The following CST8 variants were observed in gnomAD, a reference collection of about 807,000 sequenced individuals.
The protein encoded by CST8 is cystatin-8.
In CST8, 20 loss-of-function variants were observed where a neutral mutation model predicts 11.8. The observed-to-expected ratio is 1.70, with a 90% CI of 1.20 to 2.47. The LOEUF (loss-of-function observed/expected upper bound fraction) is 2.47, where lower values mean the gene tolerates loss of function less well. Ranked by LOEUF, CST8 falls within the 30% of genes most tolerant of loss-of-function variation. CST8 has a pLI of 0.00. For synonymous variants in CST8, 77 were observed against 63.1 expected (o/e 1.22, Z -1.05); for missense variants, 196 against 167.2 (o/e 1.17, Z -0.95).
intron 3 of CST8, among the ~76,000 whole-genome samples, chr20:23,493,909 CT>C (rs1170647827): frequency 6.6e-6 from 1 of 152,168 alleles, no homozygotes; most frequent in African/African-American, 2.4e-5. Flanking sequence ...GAAATGGGAT[CT>C]AAGAATTTGC....
intron 3 of CST8, among the ~76,000 whole-genome samples, chr20:23,494,214 G>C (rs994993574): frequency 6.6e-6 from 1 of 152,088 alleles, no homozygotes; most frequent in Non-Finnish European, 1.5e-5. Flanking sequence ...TTAGGAATAT[G>C]GTTGCTTTAA....
rs11482296 is a variant in CST8, at chr20:23,495,775, C to CTT, written c.346-40_346-39dup. 4.5e-3 allele frequency: 4,156 copies of CTT among 930,810 alleles called. 5 individuals are homozygous for CTT. Among genetic ancestry groups the CTT allele is most frequent in the African/African-American group, 0.012 (605 of 51,854 alleles). The allele number at this position is 930,810 out of a possible 1,614,324, so 57.7% of individuals were successfully genotyped here. On this transcript the variant is annotated intron_variant, in intron 3 of 3. Transcript: ENST00000246012. Reference sequence around the variant, plus strand: ...GCAACAGGACAATTGTTTTTCTTTTCTTTTTTTTTTTTTTTTTGGCACTCT... The same window carrying CTT: ...GCAACAGGACAATTGTTTTTCTTTTCTTTTTTTTTTTTTTTTTTTGGCACTCT...
the CST8 span, among the ~76,000 whole-genome samples, chr20:23,506,305 G>A: frequency 6.6e-6 from 1 of 152,132 alleles, no homozygotes; most frequent in Admixed American, 6.5e-5. Flanking sequence ...GTGAGGGTGG[G>A]TGCTGTGGGG....
chr20:23,506,904 G>A, the CST8 span, among the ~76,000 whole-genome samples: 15 of 152,156 alleles, frequency 9.9e-5, no homozygotes, highest in Admixed American at 6.5e-5. Context: ...GATGTGACTC[G>A]TTAAGGTTTG....
chr20:23,494,421 T>C (rs911237097), intron 3 of CST8, among the ~76,000 whole-genome samples: 1 of 152,230 alleles, frequency 6.6e-6, no homozygotes, highest in Non-Finnish European at 1.5e-5. Context: ...TTTCTCTTTT[T>C]CCAAGCAGAT....
At chr20:23,506,284 A>G in the CST8 span, among the ~76,000 whole-genome samples, 1 of 152,178 alleles carries the variant, frequency 6.6e-6, no homozygotes, top group Admixed American at 6.5e-5. Flanking sequence ...GAGGACACCA[A>G]CACAGACATG....
In CST8 at chr20:23,493,057, T is replaced by C. The variant is rs1987939694; in HGVS notation, c.331T>C (p.Ser111Pro). 11 of 1,606,488 alleles carry C rather than the reference T, an allele frequency of 6.8e-6. No homozygotes were observed. Among genetic ancestry groups the C allele is most frequent in the Non-Finnish European group, 9.4e-6 (11 of 1,173,526 alleles). The change falls in exon 3 of 4, where the codon TCC becomes CCC. Residue 111 changes from serine (S) to proline (P), a missense_variant. By Grantham distance (74) the Ser-to-Pro change is moderately conservative (BLOSUM62 -1). Coordinates refer to ENST00000246012, the MANE Select transcript of CST8 (RefSeq NM_005492.4). ...TNEICAIQENSKLKRKLSCSF... is the reference protein window; with the variant it reads ...TNEICAIQENPKLKRKLSCSF... ...TGAAATCTGCGCCATTCAAGAAAAC[T>C]CCAAGCTGAAAAGGGTAGGTGATGA... is the stretch of plus-strand genomic sequence containing the variant.
At chr20:23,497,244 C>T (rs571739057), downstream of CST8, among the ~76,000 whole-genome samples, 14 of 152,352 alleles carry the variant, frequency 9.2e-5, no homozygotes, top group African/African-American at 3.1e-4. Flanking sequence ...GAAATCTTCA[C>T]AATTTATGTT....
Position 23,491,333 on chromosome 20 carries a change from G to T in CST8, c.-153G>T, listed in dbSNP as rs1987872725. On this transcript the variant is annotated 5_prime_UTR_variant, in exon 1 of 4. Coordinates refer to ENST00000246012, the MANE Select transcript of CST8 (RefSeq NM_005492.4). ...CTGAGAAGCAGATAACAAGAGTGAC[G>T]CTCACAGGGGTAGGCATAGACACAC... 1 of 318,498 alleles carries T rather than the reference G, an allele frequency of 3.1e-6. No individual in the cohort carries two copies. Among genetic ancestry groups the T allele is most frequent in the South Asian group, 4.1e-5 (1 of 24,216 alleles). 19.7% of individuals were successfully genotyped at this position (318,498 alleles called of 1,614,324 possible).
At chr20:23,506,477 A>G in the CST8 span, among the ~76,000 whole-genome samples, 1 of 152,152 alleles carries the variant, frequency 6.6e-6, no homozygotes, top group African/African-American at 2.4e-5. Context: ...TTCCATGGTT[A>G]TAGGATTTTA....
the CST8 span, among the ~76,000 whole-genome samples, chr20:23,503,256 T>A: frequency 6.6e-6 from 1 of 152,168 alleles, no homozygotes; most frequent in African/African-American, 2.4e-5. Flanking sequence ...AGACAATAAA[T>A]GTGGGTGGAT....
chr20:23,491,667 C>G lies in CST8; in HGVS notation c.-1C>G, dbSNP rs543861516. On this transcript the variant is annotated 5_prime_UTR_variant, in exon 2 of 4. Transcript: ENST00000246012. ...CGACTTTGCCTCTTGCCCAAGGGAC[C>G]ATGCCCAGGTGCCGGTGGCTCTCCC... 6.2e-7 allele frequency: 1 copy of G among 1,612,812 alleles called. No homozygotes were observed.
chr20:23,492,016 G>T (rs1300460257), intron 2 of CST8, 118 bp downstream of exon 2: 24 of 747,550 alleles, frequency 3.2e-5, no homozygotes, highest in Middle Eastern at 5.2e-4. Flanking sequence ...ATATGTGAAT[G>T]CTTAAGAGCC....
chr20:23,498,227 T>C (rs573557551), downstream of CST8, among the ~76,000 whole-genome samples: 1 of 152,246 alleles, frequency 6.6e-6, no homozygotes, highest in South Asian at 2.1e-4. Context: ...ACAATGTAAA[T>C]AGACAACACT....
At chr20:23,495,494 TTTAA>T (rs1175113776) in intron 3 of CST8, among the ~76,000 whole-genome samples, 6 of 152,228 alleles carry the variant, frequency 3.9e-5, no homozygotes, top group South Asian at 2.1e-4. Context: ...AATAACATAC[TTTAA>T]TTAACAATTA....
the CST8 span, among the ~76,000 whole-genome samples, chr20:23,502,667 CA>C: frequency 6.6e-6 from 1 of 152,150 alleles, no homozygotes. Flanking sequence ...AACTTCCGAG[CA>C]AGTGTGATGT....
downstream of CST8, among the ~76,000 whole-genome samples, chr20:23,500,541 G>T (rs1988158604): frequency 6.6e-6 from 1 of 152,212 alleles, no homozygotes; most frequent in Non-Finnish European, 1.5e-5. Flanking sequence ...GGGCCTGGGA[G>T]TAATGTCCCA....
At chr20:23,501,234 CCTT>C in the CST8 span, among the ~76,000 whole-genome samples, 1 of 152,196 alleles carries the variant, frequency 6.6e-6, no homozygotes, top group African/African-American at 2.4e-5. Context: ...CTCCAGTTCT[CCTT>C]CAGATAGTAT....
At chr20:23,499,434 C>T (rs1988132711), downstream of CST8, among the ~76,000 whole-genome samples, 1 of 152,166 alleles carries the variant, frequency 6.6e-6, no homozygotes, top group Non-Finnish European at 1.5e-5. Flanking sequence ...CACGTGCATT[C>T]ACATGGACTC....
Sources: allele counts gnomAD v4.1 joint callset (sites outside exome capture counted in the v4.1 genomes callset), GRCh38; gene constraint gnomAD v4.1.1; transcripts MANE v1.5; gene names NCBI Gene and HGNC (gene_info 2026-07-23, HGNC 2026-07-21).